PGAP1: variants seen among roughly 807,000 people sequenced by gnomAD.
PGAP1 encodes the protein GPI inositol-deacylase.
A neutral mutation model predicts 127.0 loss-of-function variants in PGAP1; 76 were observed. The observed-to-expected ratio is 0.60, with a 90% CI of 0.50 to 0.72. The LOEUF (loss-of-function observed/expected upper bound fraction) is 0.72. PGAP1 is among the 30% of genes least tolerant of loss of function. The probability of loss-of-function intolerance (pLI) is 0.00; values close to 1 mark genes in which losing one functional copy is unlikely to be tolerated. For synonymous variants in PGAP1, 362 were observed against 366.5 expected (o/e 0.99, Z 0.14); for missense variants, 982 against 1,071.3 (o/e 0.92, Z 1.16).
chr2:196,896,947 C>T (rs747545916), intron 7 of PGAP1, among the ~76,000 whole-genome samples, 184 bp downstream of exon 7: 48 of 150,914 alleles, frequency 3.2e-4, no homozygotes, highest in Admixed American at 5.9e-4. Context: ...ACAAATCATT[C>T]GCAGCAGTCA....
At chr2:196,874,278 T>C (rs1349151151) in intron 14 of PGAP1, among the ~76,000 whole-genome samples, 2 of 152,054 alleles carry the variant, frequency 1.3e-5, no homozygotes, top group Non-Finnish European at 2.9e-5. Context: ...TATATAATGA[T>C]AGAATTGGAT....
At chr2:196,891,295 G>A (rs1702092975) in intron 9 of PGAP1, among the ~76,000 whole-genome samples, 1 of 152,120 alleles carries the variant, frequency 6.6e-6, no homozygotes, top group Non-Finnish European at 1.5e-5. Context: ...ACTTCCCAAA[G>A]AAAAGGAATA....
At position 196,865,081 on chromosome 2, in the gene PGAP1, CT is replaced by C; in HGVS notation, c.1768-2del. 6.5e-7 allele frequency: 1 copy of C among 1,529,642 alleles called. No homozygotes were observed. Among genetic ancestry groups the C allele is most frequent in the Non-Finnish European group, 8.8e-7 (1 of 1,139,896 alleles). 94.8% of individuals were successfully genotyped at this position (1,529,642 alleles called of 1,614,324 possible). On this transcript the variant is annotated splice_acceptor_variant, in intron 19 of 26. Transcript: ENST00000354764. LOFTEE classifies it high-confidence loss of function. ...GAGCTCCACCATGAAATCTAACTACCTAAAAAACAGGTAAGTCAATGGGCAA... is the reference window on the plus strand; with the variant it reads ...GAGCTCCACCATGAAATCTAACTACCAAAAAACAGGTAAGTCAATGGGCAA...
In PGAP1 at chr2:196,847,126, C is replaced by A; in HGVS notation, c.2027G>T (p.Ser676Ile). 10 of 1,613,380 alleles carry A rather than the reference C, an allele frequency of 6.2e-6. No individual in the cohort carries two copies. The highest frequency in any genetic ancestry group is 8.5e-6 in the Non-Finnish European group (10 of 1,179,550). ...ELDAVILTCQ[S>I]MCFPLISLIL... ...CAAGGATATCAGGGGGAAACACATA[C>A]TCTGACAAGTTAAAATGACGGCATC... The change falls in exon 22 of 27, where the codon AGT (serine) becomes ATT (isoleucine). Residue 676 changes from serine (S) to isoleucine (I), a missense_variant. Transcript: ENST00000354764.
chr2:196,852,314 G>A (rs771601481), intron 20 of PGAP1, among the ~76,000 whole-genome samples: 10 of 151,998 alleles, frequency 6.6e-5, no homozygotes, highest in Non-Finnish European at 1.3e-4. Flanking sequence ...TTCAATAAAT[G>A]AGTACTCATA....
chr2:196,869,300 A>T (rs1701337500), intron 19 of PGAP1, among the ~76,000 whole-genome samples: 2 of 152,156 alleles, frequency 1.3e-5, no homozygotes, highest in Non-Finnish European at 2.9e-5. Flanking sequence ...ACCATACTAA[A>T]TATACAATAG....
chr2:196,885,616 A>T, intron 11 of PGAP1, 141 bp from the exon 12 acceptor site: 1 of 644,976 alleles, frequency 1.6e-6, no homozygotes, highest in Non-Finnish European at 2.5e-6. Context: ...TACTCTGTCC[A>T]CATATTTCCC....
chr2:196,862,432 CGGTCCTGT>C (rs1701100064), intron 20 of PGAP1, among the ~76,000 whole-genome samples: 1 of 152,228 alleles, frequency 6.6e-6, no homozygotes, highest in East Asian at 1.9e-4. Flanking sequence ...AATTTCGCCC[CGGTCCTGT>C]GGTCCTGTGA....
rs868415600 is a variant in PGAP1 at position 196,841,135 on chromosome 2, T to C, written c.*99A>G. ...ATATTGTAAAAATAGACTTGTCTTC[T>C]CCAAAGGATCTTGCTGTCCATACTG... On this transcript the variant is annotated 3_prime_UTR_variant, in exon 27 of 27. Coordinates refer to ENST00000354764, the MANE Select transcript of PGAP1 (RefSeq NM_024989.4). 2 of 1,196,696 alleles carry C rather than the reference T, an allele frequency of 1.7e-6. No homozygotes were observed. Among genetic ancestry groups the C allele is most frequent in the East Asian group, 2.6e-5 (1 of 38,572 alleles). 74.1% of individuals were successfully genotyped at this position (1,196,696 alleles called of 1,614,324 possible). A position where few individuals can be genotyped will look rare whatever the true frequency, so the allele number is the denominator to read the frequency against.
At chr2:196,860,867 T>C (rs571682698) in intron 20 of PGAP1, among the ~76,000 whole-genome samples, 1 of 152,234 alleles carries the variant, frequency 6.6e-6, no homozygotes, top group Non-Finnish European at 1.5e-5. Flanking sequence ...CACAAATGAC[T>C]GCAAATAGCA....
chr2:196,835,900 T>G lies in PGAP1; in HGVS notation c.*5334A>C, dbSNP rs1370961078. On this transcript the variant is annotated 3_prime_UTR_variant, in exon 27 of 27. Transcript: ENST00000354764. ...TACAAAATATGCCTATCATGTAGGC[T>G]TTTGAACAGTTAATAGCTCTACGTG... is the stretch of plus-strand genomic sequence containing the variant. 1 of 152,122 alleles carries G rather than the reference T, an allele frequency of 6.6e-6. No individual in the cohort carries two copies. Among genetic ancestry groups the G allele is most frequent in the African/African-American group, 2.4e-5 (1 of 41,440 alleles). 9.4% of individuals were successfully genotyped at this position (152,122 alleles called of 1,614,324 possible). A position where few individuals can be genotyped will look rare whatever the true frequency, so the allele number is the denominator to read the frequency against.
At chr2:196,858,442 G>A (rs1053504881) in intron 20 of PGAP1, among the ~76,000 whole-genome samples, 1 of 151,912 alleles carries the variant, frequency 6.6e-6, no homozygotes, top group Non-Finnish European at 1.5e-5. Flanking sequence ...ATGGGTTAAT[G>A]AAGAATATTT....
chr2:196,873,633 G>A (rs1293539866), intron 15 of PGAP1, 52 bp downstream of exon 15: 1 of 1,593,340 alleles, frequency 6.3e-7, no homozygotes, highest in East Asian at 2.2e-5. Flanking sequence ...GTATGTTAAA[G>A]TAAACATTAA....
chr2:196,919,845 A>G, intron 2 of PGAP1, 152 bp downstream of exon 2: 1 of 695,378 alleles, frequency 1.4e-6, no homozygotes, highest in East Asian at 2.8e-5. Context: ...CTCAGAGAAA[A>G]TATTATATTT....
chr2:196,914,860 C>A (rs1264767171), intron 3 of PGAP1, among the ~76,000 whole-genome samples: 1 of 149,660 alleles, frequency 6.7e-6, no homozygotes, highest in East Asian at 2.0e-4. Context: ...GTCACCCAGG[C>A]TGGAGCGCAG....
Position 196,885,915 on chromosome 2 carries a change from G to A in PGAP1, c.1174-35C>T, listed in dbSNP as rs200783808. 2.6e-4 allele frequency: 344 copies of A among 1,318,180 alleles called. 1 individual carries two copies. The highest frequency in any genetic ancestry group is 3.3e-4 in the Non-Finnish European group (337 of 1,018,610). 81.7% of individuals were successfully genotyped at this position (1,318,180 alleles called of 1,614,324 possible). ...AACAGCACAAAACAAAACACACTAA[G>A]TATTGTAGAAAATAATTATACAAAA... On this transcript the variant is annotated intron_variant, in intron 10 of 26. Transcript: ENST00000354764.
chr2:196,834,064 A>C lies in PGAP1; in HGVS notation c.*7170T>G, dbSNP rs184910793. ...ATATATAAGCCTCAATAAGTTCAGAAAGAATGAGCACAAGTCAAAGAATTC... is the reference window on the plus strand; with the variant it reads ...ATATATAAGCCTCAATAAGTTCAGACAGAATGAGCACAAGTCAAAGAATTC... On this transcript the variant is annotated 3_prime_UTR_variant, in exon 27 of 27. Coordinates refer to ENST00000354764, the MANE Select transcript of PGAP1 (RefSeq NM_024989.4). 1.1e-3 allele frequency: 164 copies of C among 152,182 alleles called. No homozygotes were observed. The East Asian group carries it at 0.019, about 18-fold the overall frequency. 9.4% of individuals were successfully genotyped at this position (152,182 alleles called of 1,614,324 possible).
chr2:196,844,186 A>C, intron 24 of PGAP1, 111 bp from the exon 25 acceptor site: 1 of 637,642 alleles, frequency 1.6e-6, no homozygotes. Context: ...CCATTACCAA[A>C]CTGACATAAA....
chr2:196,872,372 T>C (rs750175240), intron 18 of PGAP1, 69 bp downstream of exon 18: 5 of 1,070,736 alleles, frequency 4.7e-6, no homozygotes, highest in Non-Finnish European at 7.0e-6. Flanking sequence ...ATCTGAAGCT[T>C]ATATAAAAAG....
Sources: gnomAD v4.1 joint callset for allele counts (sites outside exome capture counted in the v4.1 genomes callset) on GRCh38, gnomAD v4.1.1 for gene constraint, MANE v1.5 for transcripts, NCBI Gene and HGNC (gene_info 2026-07-23, HGNC 2026-07-21) for gene names.